RERE: variants seen among roughly 807,000 people sequenced by gnomAD.
RERE encodes arginine-glutamic acid dipeptide repeats protein.
RERE carries 40 observed loss-of-function variants against 146.1 expected under a neutral mutation model. That is an observed-to-expected ratio of 0.27 (90% CI 0.21 to 0.36). RERE has a LOEUF of 0.36. Ranked by LOEUF, RERE falls within the 10% of genes least tolerant of loss-of-function variation. The pLI, the probability that RERE is intolerant of heterozygous loss-of-function variation, is 1.00. For synonymous variants in RERE, 1,003 were observed against 866.0 expected (o/e 1.16, Z -2.78); for missense variants, 1,933 against 2,138.7 (o/e 0.90, Z 1.90).
At chr1:8,477,115 A>C (rs1240182697) in intron 10 of RERE, among the ~76,000 whole-genome samples, 1 of 152,238 alleles carries the variant, frequency 6.6e-6, no homozygotes, top group African/African-American at 2.4e-5. Context: ...CAGGTCTTTA[A>C]ATGCAATTAT....
intron 4 of RERE, among the ~76,000 whole-genome samples, chr1:8,605,987 T>G (rs558321716): frequency 1.3e-5 from 2 of 151,776 alleles, no homozygotes; most frequent in Admixed American, 1.3e-4. Flanking sequence ...AGATAACTTT[T>G]GAATTTTTTG....
chr1:8,673,991 C>G (rs1182095394), intron 1 of RERE, among the ~76,000 whole-genome samples: 1 of 152,080 alleles, frequency 6.6e-6, no homozygotes, highest in Non-Finnish European at 1.5e-5. Flanking sequence ...CATAATTGCA[C>G]CACTGCACTC....
chr1:8,355,520 G>C lies in RERE; in HGVS notation c.4566C>G (p.Ala1522=). ...SAAHQLQAMH[A]QSAELQRLAM... is the part of the protein sequence containing the mutation. ...CCAGTCTCTGCAGCTCGGCCGACTGGGCATGCATGGCCTGCAGCTGGTGGG... is the reference window on the plus strand; with the variant it reads ...CCAGTCTCTGCAGCTCGGCCGACTGCGCATGCATGGCCTGCAGCTGGTGGG... The change falls in exon 22 of 23, where the codon GCC becomes GCG. Residue 1522 remains alanine (A), a synonymous_variant. Transcript: ENST00000400908. 1.2e-6 allele frequency: 2 copies of C among 1,611,308 alleles called. No homozygotes were observed. Among genetic ancestry groups the C allele is most frequent in the Non-Finnish European group, 1.7e-6 (2 of 1,179,186 alleles).
chr1:8,383,943 T>C (rs1320846498), intron 12 of RERE, among the ~76,000 whole-genome samples: 1 of 152,114 alleles, frequency 6.6e-6, no homozygotes, highest in East Asian at 1.9e-4. Flanking sequence ...ATTTTAAAAA[T>C]ATTCACTTAT....
intron 1 of RERE, among the ~76,000 whole-genome samples, chr1:8,726,147 CTTTTTTTT>C (rs70985511): frequency 3.3e-4 from 23 of 69,394 alleles, no homozygotes; most frequent in African/African-American, 8.5e-4. Context: ...TTTTTCTTTT[CTTTTTTTT>C]TTTTTTTTTT....
Position 8,684,673 on chromosome 1 carries a change from CCTGTTAATCCACCTCTCCCTATGAG to C in RERE, c.-144-28257_-144-28233del, listed in dbSNP as rs555431957. 1.1e-4 allele frequency among the ~76,000 whole-genome samples: 16 copies of C among 152,310 alleles called. No homozygotes were observed. In the South Asian group the frequency reaches 3.1e-3, roughly 30 times the overall value. On this transcript the variant is annotated intron_variant, in intron 1 of 22. Transcript: ENST00000400908. ...AATCAAACCCAAGCACAATCTGATG[CCTGTTAATCCACCTCTCCCTATGAG>C]CTGTTAACCCACCTCTCCCTATGAG...
At chr1:8,684,720 T>C (rs1302433258) in intron 1 of RERE, among the ~76,000 whole-genome samples, 1 of 152,232 alleles carries the variant, frequency 6.6e-6, no homozygotes. Flanking sequence ...CCTCTCCCTA[T>C]GAGAAGCCTT....
At chr1:8,748,021 G>A (rs1016885518) in intron 1 of RERE, among the ~76,000 whole-genome samples, 21 of 151,926 alleles carry the variant, frequency 1.4e-4, no homozygotes, top group Admixed American at 6.6e-4. Context: ...CAAGTGATCC[G>A]CCCACCTCAG....
intron 10 of RERE, among the ~76,000 whole-genome samples, chr1:8,480,230 C>G (rs1247271036): frequency 1.3e-5 from 2 of 150,592 alleles, no homozygotes; most frequent in African/African-American, 4.9e-5. Context: ...ACCTCCGCCT[C>G]CCGGGTTCAA....
At chr1:8,363,967 T>C in intron 15 of RERE, 89 bp downstream of exon 15, 1 of 1,231,978 alleles carries the variant, frequency 8.1e-7, no homozygotes, top group South Asian at 1.3e-5. Flanking sequence ...AACAAGACTT[T>C]CGCTTCCTCC....
At chr1:8,596,086 C>G (rs1646552313) in intron 4 of RERE, among the ~76,000 whole-genome samples, 1 of 152,230 alleles carries the variant, frequency 6.6e-6, no homozygotes, top group Non-Finnish European at 1.5e-5. Flanking sequence ...CACGGCTACA[C>G]AGTCATGCTC....
intron 8 of RERE, among the ~76,000 whole-genome samples, chr1:8,502,184 C>T (rs1369303538): frequency 4.5e-5 from 3 of 67,232 alleles, no homozygotes; most frequent in African/African-American, 1.4e-4. Context: ...CCCCACCCGG[C>T]CAGCCGCCCC....
rs551307965 is a variant in RERE at position 8,364,121 on chromosome 1, C to G, written c.1675G>C (p.Val559Leu). Residue 559 changes from valine to leucine, a missense_variant, in exon 15 of 23, where the codon GTC (valine) becomes CTC (leucine). Physicochemically the swap from Val to Leu is conservative, Grantham distance 32 (BLOSUM62 1). Coordinates refer to ENST00000400908, the MANE Select transcript of RERE (RefSeq NM_001042681.2). The surrounding 1 kb of genome is among the most constrained non-coding windows in gnomAD (Gnocchi z 5.1). ...VDPPPFMFKP[V>L]KEEDDGLSGK... ...CTGAGCCCATCATCCTCTTCCTTGA[C>G]GGGTTTGAACATAAACGGTGGCGGG... The G allele has an allele frequency of 1.2e-6, 2 of 1,614,166 alleles. No individual in the cohort carries two copies. The highest frequency in any genetic ancestry group is 2.2e-5 in the East Asian group (1 of 44,874).
intron 1 of RERE, among the ~76,000 whole-genome samples, chr1:8,738,536 C>T (rs1293467780): frequency 6.6e-6 from 1 of 151,998 alleles, no homozygotes; most frequent in Non-Finnish European, 1.5e-5. Flanking sequence ...CTTAACAAGC[C>T]TCTTCCCATT....
At chr1:8,531,456 A>C (rs1442909812) in intron 7 of RERE, among the ~76,000 whole-genome samples, 4 of 151,990 alleles carry the variant, frequency 2.6e-5, no homozygotes, top group Admixed American at 2.0e-4. Context: ...AAAAAAAAAA[A>C]ACACAACACA....
intron 6 of RERE, among the ~76,000 whole-genome samples, chr1:8,545,271 T>A (rs1318874384): frequency 6.6e-6 from 1 of 152,148 alleles, no homozygotes; most frequent in Admixed American, 6.5e-5. Context: ...ATCCTTTCAT[T>A]CAACAGTAAA....
intron 1 of RERE, among the ~76,000 whole-genome samples, chr1:8,662,196 C>T (rs925520935): frequency 3.9e-5 from 6 of 152,308 alleles, no homozygotes; most frequent in South Asian, 2.1e-4. Flanking sequence ...AGAATCAAAG[C>T]TTTCAGCAGA....
intron 4 of RERE, among the ~76,000 whole-genome samples, chr1:8,564,814 A>ATGTG (rs1375952179): frequency 7.0e-5 from 7 of 100,156 alleles, no homozygotes; most frequent in Non-Finnish European, 1.3e-4. Context: ...GTGTGTATGT[A>ATGTG]TGTGTGTGTA....
chr1:8,487,094 C>G (rs770780953), intron 10 of RERE, among the ~76,000 whole-genome samples: 2 of 152,154 alleles, frequency 1.3e-5, no homozygotes, highest in Non-Finnish European at 2.9e-5. Context: ...AAGCAGGATT[C>G]ATCCTAGGAA....
Sources: gnomAD v4.1 joint callset for allele counts (sites outside exome capture counted in the v4.1 genomes callset) on GRCh38, gnomAD v4.1.1 for gene constraint, Gnocchi (gnomAD v3.1) non-coding constraint, MANE v1.5 for transcripts, NCBI Gene and HGNC (gene_info 2026-07-23, HGNC 2026-07-21) for gene names.